The following DLG2 variants were observed in gnomAD, a reference collection of about 807,000 sequenced individuals.
The protein encoded by DLG2 is disks large homolog 2.
DLG2 carries 45 observed loss-of-function variants against 132.5 expected under a neutral mutation model. The ratio of observed to expected loss-of-function variants is 0.34; its 90% confidence interval spans 0.27 to 0.44. The LOEUF (loss-of-function observed/expected upper bound fraction) is 0.44, where lower values mean the gene tolerates loss of function less well. Ranked by LOEUF, DLG2 falls within the 20% of genes least tolerant of loss-of-function variation. The pLI, the probability that DLG2 is intolerant of heterozygous loss-of-function variation, is 1.00. For missense variants in DLG2, 1,045 were observed against 1,196.9 expected (o/e 0.87, Z 1.87); for synonymous variants, 424 against 419.6 (o/e 1.01, Z -0.13).
intron 18 of DLG2, among the ~76,000 whole-genome samples, chr11:83,710,523 T>C (rs2085158514): frequency 6.6e-6 from 1 of 152,116 alleles, no homozygotes; most frequent in Admixed American, 6.6e-5. Context: ...TATAAGATAG[T>C]GAGTGCCAAG....
chr11:84,436,979 G>T (rs780538245), intron 7 of DLG2, among the ~76,000 whole-genome samples: 2 of 152,116 alleles, frequency 1.3e-5, no homozygotes, highest in Non-Finnish European at 2.9e-5. Flanking sequence ...AAAGGCTCAG[G>T]TATTTATAAC....
At chr11:84,037,060 G>A (rs1164699817) in intron 11 of DLG2, among the ~76,000 whole-genome samples, 2 of 152,136 alleles carry the variant, frequency 1.3e-5, no homozygotes, top group African/African-American at 4.8e-5. Flanking sequence ...ACATATGACA[G>A]ATAAGCAAGT....
intron 14 of DLG2, among the ~76,000 whole-genome samples, chr11:83,933,079 T>C (rs2080681992): frequency 6.6e-6 from 1 of 152,194 alleles, no homozygotes; most frequent in South Asian, 2.1e-4. Flanking sequence ...CCTGCAGTTA[T>C]ATTCTGTGTG....
intron 4 of DLG2, among the ~76,000 whole-genome samples, chr11:85,275,635 A>G (rs1431779194): frequency 6.6e-6 from 1 of 152,056 alleles, no homozygotes; most frequent in East Asian, 1.9e-4. Context: ...AATACTCTCA[A>G]TTTTAAATAT....
At chr11:83,873,522 G>A (rs2063892187) in intron 16 of DLG2, among the ~76,000 whole-genome samples, 1 of 152,116 alleles carries the variant, frequency 6.6e-6, no homozygotes, top group African/African-American at 2.4e-5. Context: ...TGTAAGAAGT[G>A]CCTTTTGCCA....
At chr11:85,501,890 C>G (rs1379829796) in intron 3 of DLG2, among the ~76,000 whole-genome samples, 3 of 152,088 alleles carry the variant, frequency 2.0e-5, no homozygotes, top group Non-Finnish European at 2.9e-5. Flanking sequence ...ACTAGAAATA[C>G]CATTTGACCC....
chr11:84,498,611 T>G (rs187094574), intron 7 of DLG2, among the ~76,000 whole-genome samples: 1 of 152,164 alleles, frequency 6.6e-6, no homozygotes, highest in Admixed American at 6.5e-5. Flanking sequence ...AAGTTTTGGC[T>G]GAAACAGCAA....
chr11:85,053,064 G>A (rs983528951), intron 6 of DLG2, among the ~76,000 whole-genome samples: 1 of 152,104 alleles, frequency 6.6e-6, no homozygotes, highest in Admixed American at 6.5e-5. Context: ...CACAAGTAAA[G>A]GAATGAATCT....
chr11:85,583,128 G>A (rs35608221), intron 3 of DLG2, among the ~76,000 whole-genome samples: 1,592 of 26,246 alleles, frequency 0.061, 16 homozygotes, highest in Non-Finnish European at 0.089. Context: ...GTGTGTGTGT[G>A]TGTATATATA....
At chr11:84,145,051 T>C (rs2095024016) in intron 9 of DLG2, among the ~76,000 whole-genome samples, 1 of 152,168 alleles carries the variant, frequency 6.6e-6, no homozygotes, top group African/African-American at 2.4e-5. Flanking sequence ...CTCGTACCCC[T>C]GAGTTAGATA....
chr11:84,450,969 T>G (rs1242033374), intron 7 of DLG2, among the ~76,000 whole-genome samples: 2 of 151,802 alleles, frequency 1.3e-5, no homozygotes, highest in Non-Finnish European at 2.9e-5. Flanking sequence ...AATCCAAACC[T>G]CAGCATCACG....
chr11:84,917,714 T>C (rs1486436692), intron 6 of DLG2, among the ~76,000 whole-genome samples: 2 of 152,174 alleles, frequency 1.3e-5, no homozygotes, highest in Non-Finnish European at 1.5e-5. Context: ...TATTAACTCC[T>C]TGTTTAATTT....
intron 3 of DLG2, among the ~76,000 whole-genome samples, chr11:85,417,990 T>G (rs1435885728): frequency 2.0e-5 from 3 of 152,150 alleles, no homozygotes; most frequent in African/African-American, 7.2e-5. Flanking sequence ...TTTTTGAATT[T>G]GTTTTCTCTT....
chr11:84,610,958 T>C (rs1482025634), intron 6 of DLG2, among the ~76,000 whole-genome samples: 2 of 151,978 alleles, frequency 1.3e-5, no homozygotes, highest in East Asian at 1.9e-4. Flanking sequence ...CAGATGCCTC[T>C]TACTCTAGAA....
intron 6 of DLG2, among the ~76,000 whole-genome samples, chr11:84,894,355 T>C (rs528513652): frequency 2.0e-5 from 3 of 152,198 alleles, no homozygotes; most frequent in Admixed American, 2.0e-4. Flanking sequence ...TCCCACTTCC[T>C]CTTCTGCTCA....
chr11:83,563,807 CTG>C (rs2096656157), intron 19 of DLG2, among the ~76,000 whole-genome samples: 1 of 152,162 alleles, frequency 6.6e-6, no homozygotes, highest in Non-Finnish European at 1.5e-5. Context: ...CTAAATGAAA[CTG>C]TATTTATTTA....
At chr11:85,217,318 T>TCTCTCA (rs370686252) in intron 4 of DLG2, among the ~76,000 whole-genome samples, 98 of 144,034 alleles carry the variant, frequency 6.8e-4, no homozygotes, top group African/African-American at 2.4e-3. Context: ...TCTCTCTCTC[T>TCTCTCA]CACACACACA....
chr11:84,596,336 T>C (rs2099557041), intron 6 of DLG2, among the ~76,000 whole-genome samples: 1 of 151,610 alleles, frequency 6.6e-6, no homozygotes. Context: ...GCCTCCTAAG[T>C]AGTTGGGATT....
At chr11:84,509,646 G>C (rs1441476755) in intron 7 of DLG2, among the ~76,000 whole-genome samples, 1 of 151,958 alleles carries the variant, frequency 6.6e-6, no homozygotes, top group Non-Finnish European at 1.5e-5. Context: ...AAATTACAAA[G>C]AATTTGAAAA....
Sources: allele counts gnomAD v4.1 joint callset (sites outside exome capture counted in the v4.1 genomes callset), GRCh38; gene constraint gnomAD v4.1.1; transcripts MANE v1.5; gene names NCBI Gene and HGNC (gene_info 2026-07-23, HGNC 2026-07-21).